Variants in HHIPL2 observed in about 807,000 individuals in gnomAD.
The protein encoded by HHIPL2 is HHIP-like protein 2.
A neutral mutation model predicts 61.0 loss-of-function variants in HHIPL2; 61 were observed. The ratio of observed to expected loss-of-function variants is 1.00; its 90% confidence interval spans 0.81 to 1.24. The LOEUF is 1.24. Among genes scored for constraint, HHIPL2 ranks in the 50% most tolerant of loss-of-function variants. The probability of loss-of-function intolerance (pLI) is 0.00; values close to 1 mark genes in which losing one functional copy is unlikely to be tolerated. For missense variants in HHIPL2, 885 were observed against 910.2 expected, an observed-to-expected ratio of 0.97 and a Z score of 0.36; for synonymous variants, 343 against 357.4, an observed-to-expected ratio of 0.96 and a Z score of 0.45.
In HHIPL2 at chr1:222,547,818, C is replaced by CGGTG; in HGVS notation, c.226_227insCACC (p.Arg76ProfsTer16). 1.2e-6 allele frequency: 2 copies of CGGTG among 1,614,166 alleles called. No homozygotes were observed. Among genetic ancestry groups the CGGTG allele is most frequent in the Non-Finnish European group, 1.7e-6 (2 of 1,180,020 alleles). ...GTCCCAGTACCGGGCAGCGATGCGGCGGTCCTTGTGCTGATCACAGCAGCC... is the reference window on the plus strand; with the variant it reads ...GTCCCAGTACCGGGCAGCGATGCGGCGGTGGGTCCTTGTGCTGATCACAGCAGCC... On this transcript the variant is annotated frameshift_variant, in exon 1 of 9. Transcript: ENST00000343410. LOFTEE classifies it high-confidence loss of function.
intron 5 of HHIPL2, among the ~76,000 whole-genome samples, chr1:222,534,697 A>G (rs377116008): frequency 4.4e-5 from 5 of 114,208 alleles, no homozygotes; most frequent in Admixed American, 1.7e-4. Context: ...CACACACTCA[A>G]TGGAATGAAT....
At chr1:222,546,122 G>A (rs956058387) in intron 1 of HHIPL2, among the ~76,000 whole-genome samples, 2 of 152,044 alleles carry the variant, frequency 1.3e-5, no homozygotes, top group Admixed American at 6.6e-5. Flanking sequence ...GCCAGGCACC[G>A]TTCTCTACAT....
At chr1:222,531,944 A>T (rs765983618) in intron 6 of HHIPL2, 22 bp downstream of exon 6, 17 of 1,570,526 alleles carry the variant, frequency 1.1e-5, no homozygotes, top group Middle Eastern at 1.7e-4. Flanking sequence ...GCAGAAATCA[A>T]ACAACTCTGT....
At chr1:222,537,326 TGTTACTGTGTAA>T (rs1659320996) in intron 5 of HHIPL2, among the ~76,000 whole-genome samples, 1 of 151,316 alleles carries the variant, frequency 6.6e-6, no homozygotes, top group African/African-American at 2.4e-5. Context: ...ATTGGTGTGA[TGTTACTGTGTAA>T]CATCACACCA....
At chr1:222,543,317 A>G (rs1038287173) in intron 2 of HHIPL2, among the ~76,000 whole-genome samples, 6 of 152,214 alleles carry the variant, frequency 3.9e-5, no homozygotes, top group Non-Finnish European at 7.3e-5. Context: ...ACAGGAAAGT[A>G]TGTCTTTATT....
chr1:222,542,205 C>T, intron 2 of HHIPL2, 50 bp from the exon 3 acceptor site: 1 of 1,597,346 alleles, frequency 6.3e-7, no homozygotes, highest in Non-Finnish European at 8.5e-7. Context: ...CAAGCTGAAG[C>T]TGCATCCTCT....
At chr1:222,546,047 A>AAATAAAT (rs1553271590) in intron 1 of HHIPL2, among the ~76,000 whole-genome samples, 31 of 141,356 alleles carry the variant, frequency 2.2e-4, no homozygotes, top group Non-Finnish European at 2.1e-4. Flanking sequence ...TCTGTCTCAA[A>AAATAAAT]AAATAAATAA....
At position 222,522,599 on chromosome 1, in the gene HHIPL2, G is replaced by A. The variant is rs1658976222; in HGVS notation, c.*2C>T. 6.2e-6 allele frequency: 10 copies of A among 1,611,098 alleles called. No homozygotes were observed. The highest frequency in any genetic ancestry group is 5.0e-5 in the Admixed American group (3 of 60,002). On this transcript the variant is annotated 3_prime_UTR_variant, in exon 9 of 9. Coordinates refer to ENST00000343410, the MANE Select transcript of HHIPL2 (RefSeq NM_024746.4). ...ACCCTGTCGGCCACCTTGACCAATA[G>A]GTCAAGGGAGACTTCTGCCAGCTCG...
Position 222,531,864 on chromosome 1 carries a change from T to G in HHIPL2, c.1723+102A>C, listed in dbSNP as rs1037551502. The G allele has an allele frequency of 8.6e-6, 9 of 1,051,850 alleles. No homozygotes were observed. In the South Asian group the frequency reaches 1.6e-4, roughly 19 times the overall value. The allele number at this position is 1,051,850 out of a possible 1,614,324, so 65.2% of individuals were successfully genotyped here. The stretch of plus-strand genomic sequence containing the variant: ...AAAGATGACTAAACGATAGTGATCA[T>G]AGTAGAAGTGATAATTACTATTTAA... On this transcript the variant is annotated intron_variant, in intron 6 of 8. Coordinates refer to ENST00000343410, the MANE Select transcript of HHIPL2 (RefSeq NM_024746.4).
chr1:222,523,907 G>C (rs187230700), intron 7 of HHIPL2, among the ~76,000 whole-genome samples: 1 of 152,296 alleles, frequency 6.6e-6, no homozygotes, highest in East Asian at 1.9e-4. Flanking sequence ...TTGAGAGACA[G>C]TGCAGAGAAG....
chr1:222,536,856 C>G (rs964423637), intron 5 of HHIPL2, among the ~76,000 whole-genome samples: 1 of 151,838 alleles, frequency 6.6e-6, no homozygotes, highest in Non-Finnish European at 1.5e-5. Flanking sequence ...TCAAGACCAG[C>G]CTAGGCAACA....
At chr1:222,535,201 C>T (rs1266658136) in intron 5 of HHIPL2, among the ~76,000 whole-genome samples, 1 of 152,102 alleles carries the variant, frequency 6.6e-6, no homozygotes, top group Admixed American at 6.5e-5. Context: ...AAGAAAAAAA[C>T]ATGTTAACAT....
At chr1:222,523,545 G>A in intron 8 of HHIPL2, 67 bp downstream of exon 8, 1 of 1,432,784 alleles carries the variant, frequency 7.0e-7, no homozygotes, top group East Asian at 2.3e-5. Flanking sequence ...ATTATAGCCT[G>A]CTTGCTGAGG....
Position 222,547,713 on chromosome 1 carries a change from C to G in HHIPL2, c.321+11G>C. The G allele has an allele frequency of 1.2e-6, 2 of 1,607,184 alleles. No homozygotes were observed. Among genetic ancestry groups the G allele is most frequent in the Non-Finnish European group, 1.7e-6 (2 of 1,174,428 alleles). On this transcript the variant is annotated intron_variant, in intron 1 of 8. Coordinates refer to ENST00000343410, the MANE Select transcript of HHIPL2 (RefSeq NM_024746.4). ...CCCAAACCCCTGGGGCTGGAAGGCA[C>G]TTTTCACTACCTGGCAAAGGATGTC...
At chr1:222,543,008 G>A (rs368944193) in intron 2 of HHIPL2, among the ~76,000 whole-genome samples, 310 of 152,208 alleles carry the variant, frequency 2.0e-3, no homozygotes, top group African/African-American at 7.2e-3. Context: ...TGTCTACCAC[G>A]GGAAAAGAAA....
chr1:222,525,714 G>C (rs1344121019), intron 7 of HHIPL2, among the ~76,000 whole-genome samples: 1 of 152,134 alleles, frequency 6.6e-6, no homozygotes, highest in Non-Finnish European at 1.5e-5. Flanking sequence ...TAGAGCACTG[G>C]GGCAGGGTGC....
At chr1:222,525,878 A>G (rs1333083440) in intron 7 of HHIPL2, among the ~76,000 whole-genome samples, 1 of 152,094 alleles carries the variant, frequency 6.6e-6, no homozygotes, top group Non-Finnish European at 1.5e-5. Flanking sequence ...GCATGCCTGT[A>G]ATGCCAGCGA....
chr1:222,524,996 C>T (rs1659029439), intron 7 of HHIPL2: 1 of 152,010 alleles, frequency 6.6e-6, no homozygotes, highest in African/African-American at 2.4e-5. Flanking sequence ...GTTAACCTGC[C>T]TGGTTGGAAT....
chr1:222,548,023 T>A lies in HHIPL2; in HGVS notation c.22A>T (p.Asn8Tyr), dbSNP rs1397796572. 1 of 1,572,540 alleles carries A rather than the reference T, an allele frequency of 6.4e-7. No individual in the cohort carries two copies. The highest frequency in any genetic ancestry group is 8.6e-7 in the Non-Finnish European group (1 of 1,157,448). ...CGGCAATGCAGACCACCACACAGAT[T>A]AGGAGTGGACGTTCTCAGCATTTTG... MLRTSTP[N>Y]LCGGLHCRAP... Residue 8 changes from asparagine to tyrosine, a missense_variant, in exon 1 of 9, where the codon AAT becomes TAT. By Grantham distance (143) the Asn-to-Tyr change is moderately radical. Coordinates refer to ENST00000343410, the MANE Select transcript of HHIPL2 (RefSeq NM_024746.4).
Sources: gnomAD v4.1 joint callset for allele counts (sites outside exome capture counted in the v4.1 genomes callset) on GRCh38, gnomAD v4.1.1 for gene constraint, MANE v1.5 for transcripts, NCBI Gene and HGNC (gene_info 2026-07-23, HGNC 2026-07-21) for gene names.